Variants in ANKRD30BL observed in about 807,000 individuals in gnomAD.
ANKRD30BL encodes the protein ankyrin repeat domain 30B like.
ANKRD30BL carries 20 observed loss-of-function variants against 18.4 expected under a neutral mutation model. That is an observed-to-expected ratio of 1.09 (90% CI 0.77 to 1.58). The LOEUF is 1.58. ANKRD30BL is among the 40% of genes most tolerant of loss of function. The pLI is 0.00. For missense variants in ANKRD30BL, 224 were observed against 268.6 expected, an observed-to-expected ratio of 0.83 and a Z score of 1.16; for synonymous variants, 72 against 100.9, an observed-to-expected ratio of 0.71 and a Z score of 1.72.
intron 1 of ANKRD30BL, among the ~76,000 whole-genome samples, chr2:132,248,929 A>G (rs539207274): frequency 6.6e-6 from 1 of 151,068 alleles, no homozygotes; most frequent in African/African-American, 2.4e-5. Context: ...TTTCTCAGAA[A>G]CTTCTGTCAA....
chr2:132,202,994 T>C (rs758696398), intron 1 of ANKRD30BL, among the ~76,000 whole-genome samples: 1 of 152,216 alleles, frequency 6.6e-6, no homozygotes, highest in Non-Finnish European at 1.5e-5. Context: ...TCTTACCAAA[T>C]GTGTTAATTA....
At chr2:132,168,642 A>G (rs917207702) in intron 1 of ANKRD30BL, among the ~76,000 whole-genome samples, 3 of 152,192 alleles carry the variant, frequency 2.0e-5, no homozygotes, top group Non-Finnish European at 4.4e-5. Flanking sequence ...GATACCTAAC[A>G]TATATAGCAT....
At chr2:132,158,526 T>C (rs1687972777) in intron 1 of ANKRD30BL, among the ~76,000 whole-genome samples, 1 of 151,958 alleles carries the variant, frequency 6.6e-6, no homozygotes, top group Admixed American at 6.6e-5. Context: ...TCATTCCTAG[T>C]ACTCCAACTT....
At chr2:132,257,160 C>G in intron 1 of ANKRD30BL, 2 of 449,554 alleles carry the variant, frequency 4.4e-6, no homozygotes, top group South Asian at 3.1e-5. Flanking sequence ...ACGCCAGGGC[C>G]ACGTTGCTCG....
intron 1 of ANKRD30BL, among the ~76,000 whole-genome samples, chr2:132,221,319 T>TGGG (rs1196237011): frequency 1.2e-5 from 1 of 80,700 alleles, no homozygotes; most frequent in African/African-American, 5.0e-5. Flanking sequence ...AGGAGGGAGG[T>TGGG]GGGGGGGTCA....
intron 1 of ANKRD30BL, among the ~76,000 whole-genome samples, chr2:132,203,339 A>C (rs1679146240): frequency 6.6e-6 from 1 of 152,238 alleles, no homozygotes; most frequent in South Asian, 2.1e-4. Context: ...ATTATTAGGA[A>C]GTTAAAAAAA....
At chr2:132,245,166 A>T (rs936638367) in intron 1 of ANKRD30BL, among the ~76,000 whole-genome samples, 10 of 152,244 alleles carry the variant, frequency 6.6e-5, no homozygotes, top group African/African-American at 2.2e-4. Flanking sequence ...CAACTCAAAG[A>T]GTTGAATCTT....
chr2:132,219,826 G>A (rs112197625), intron 1 of ANKRD30BL, among the ~76,000 whole-genome samples: 34 of 151,400 alleles, frequency 2.2e-4, no homozygotes, highest in Middle Eastern at 6.8e-3. Flanking sequence ...CTGGAATATC[G>A]TCACATAAAC....
chr2:132,205,932 G>T (rs1317590058), intron 1 of ANKRD30BL, among the ~76,000 whole-genome samples: 1 of 152,140 alleles, frequency 6.6e-6, no homozygotes, highest in African/African-American at 2.4e-5. Context: ...AGGCTGAGGT[G>T]GATGGATCAC....
intron 5 of ANKRD30BL, among the ~76,000 whole-genome samples, chr2:132,150,297 CA>C (rs1361218398): frequency 1.3e-4 from 17 of 129,672 alleles, no homozygotes; most frequent in African/African-American, 6.7e-4. Context: ...GTTTAATAAA[CA>C]AACAAATATT....
intron 1 of ANKRD30BL, among the ~76,000 whole-genome samples, chr2:132,193,951 G>A (rs10445680): frequency 5.9e-5 from 9 of 151,716 alleles, no homozygotes; most frequent in South Asian, 4.2e-4. Context: ...CAAGAAATAC[G>A]TCACCACTGG....
chr2:132,211,103 T>A (rs1325677708), intron 1 of ANKRD30BL, among the ~76,000 whole-genome samples: 1 of 152,114 alleles, frequency 6.6e-6, no homozygotes, highest in Non-Finnish European at 1.5e-5. Context: ...TTGTGATGTG[T>A]GCATTCATCT....
intron 1 of ANKRD30BL, among the ~76,000 whole-genome samples, chr2:132,179,077 G>C (rs969215385): frequency 6.6e-6 from 1 of 151,490 alleles, no homozygotes; most frequent in African/African-American, 2.4e-5. Flanking sequence ...GATTGTAATG[G>C]AGGTAAAAAA....
intron 1 of ANKRD30BL, among the ~76,000 whole-genome samples, chr2:132,190,411 A>C (rs1678823245): frequency 6.6e-6 from 1 of 151,244 alleles, no homozygotes; most frequent in Non-Finnish European, 1.5e-5. Flanking sequence ...AAACATAAAA[A>C]ACAGGTTTAC....
chr2:132,233,459 C>A (rs1279151368), intron 1 of ANKRD30BL, among the ~76,000 whole-genome samples: 4 of 133,916 alleles, frequency 3.0e-5, no homozygotes. Context: ...TGCAGAGACA[C>A]ACATAGGCTC....
chr2:132,201,818 T>G (rs968700970), intron 1 of ANKRD30BL, among the ~76,000 whole-genome samples: 1 of 152,196 alleles, frequency 6.6e-6, no homozygotes, highest in Non-Finnish European at 1.5e-5. Flanking sequence ...CTATAAATCA[T>G]GCAGCTACAA....
chr2:132,202,478 TA>T (rs1411701965), intron 1 of ANKRD30BL, among the ~76,000 whole-genome samples: 16 of 151,682 alleles, frequency 1.1e-4, no homozygotes, highest in African/African-American at 3.6e-4. Context: ...AGATAAAATT[TA>T]AAAAATCAAG....
chr2:132,249,410 T>G (rs1337594723), intron 1 of ANKRD30BL, among the ~76,000 whole-genome samples: 1 of 152,194 alleles, frequency 6.6e-6, no homozygotes, highest in Non-Finnish European at 1.5e-5. Flanking sequence ...CTCTGTGAAA[T>G]GAAGTCACAC....
At chr2:132,198,305 TTTCTTTCTTTCTTTCTTTC>T (rs869199773) in intron 1 of ANKRD30BL, among the ~76,000 whole-genome samples, 1,971 of 15,886 alleles carry the variant, frequency 0.12, 73 homozygotes, top group Non-Finnish European at 0.2. Context: ...TCTTTCTTTC[TTTCTTTCTTTCTTTCTTTC>T]TTTTTTTTTT....
Sources: gnomAD v4.1 joint callset for allele counts (sites outside exome capture counted in the v4.1 genomes callset) on GRCh38, gnomAD v4.1.1 for gene constraint, MANE v1.5 for transcripts, NCBI Gene and HGNC (gene_info 2026-07-23, HGNC 2026-07-21) for gene names.